The following PTPRD variants were observed in gnomAD, a reference collection of about 807,000 sequenced individuals.
PTPRD encodes receptor-type tyrosine-protein phosphatase delta.
A neutral mutation model predicts 214.5 loss-of-function variants in PTPRD; 34 were observed. That is an observed-to-expected ratio of 0.16 (90% CI 0.12 to 0.21). The LOEUF is 0.21. PTPRD is among the 10% of genes least tolerant of loss of function. The pLI is 1.00. For missense variants in PTPRD, 2,545 were observed against 2,398.7 expected, an observed-to-expected ratio of 1.06 and a Z score of -1.27; for synonymous variants, 1,128 against 845.7, an observed-to-expected ratio of 1.33 and a Z score of -5.79.
At chr9:10,254,714 T>A (rs2093095622) in intron 3 of PTPRD, among the ~76,000 whole-genome samples, 1 of 152,156 alleles carries the variant, frequency 6.6e-6, no homozygotes, top group Admixed American at 6.5e-5. Context: ...TTAGAGGATA[T>A]CCTTCTAAAC....
At chr9:10,148,488 A>G (rs1475076075) in intron 3 of PTPRD, among the ~76,000 whole-genome samples, 1 of 152,186 alleles carries the variant, frequency 6.6e-6, no homozygotes, top group Non-Finnish European at 1.5e-5. Flanking sequence ...GATTTTAAAA[A>G]ATAATGGCAT....
At chr9:8,494,659 A>G (rs76647575) in intron 26 of PTPRD, among the ~76,000 whole-genome samples, 2 of 152,196 alleles carry the variant, frequency 1.3e-5, no homozygotes, top group East Asian at 1.9e-4. Flanking sequence ...TCTGAGACTT[A>G]TATGTTTCTT....
At chr9:10,171,338 T>G (rs980387002) in intron 3 of PTPRD, among the ~76,000 whole-genome samples, 6 of 151,928 alleles carry the variant, frequency 3.9e-5, no homozygotes, top group African/African-American at 1.5e-4. Flanking sequence ...CTTGATATGG[T>G]TCCTGATACG....
At chr9:8,453,410 C>T (rs543972604) in intron 33 of PTPRD, among the ~76,000 whole-genome samples, 25 of 152,042 alleles carry the variant, frequency 1.6e-4, no homozygotes, top group Non-Finnish European at 3.4e-4. Flanking sequence ...GTGATCCACC[C>T]GCCTCAGCCT....
intron 12 of PTPRD, among the ~76,000 whole-genome samples, chr9:8,659,578 AG>A (rs1165178869): frequency 6.6e-6 from 1 of 152,246 alleles, no homozygotes; most frequent in Admixed American, 6.5e-5. Flanking sequence ...TGAAGTAACA[AG>A]CTATCTAAAG....
intron 7 of PTPRD, among the ~76,000 whole-genome samples, chr9:9,682,817 C>A (rs2097099593): frequency 6.6e-6 from 1 of 151,726 alleles, no homozygotes. Flanking sequence ...CCAAATACTG[C>A]CTATCAGTAC....
chr9:9,195,500 T>C (rs2099938024), intron 9 of PTPRD, among the ~76,000 whole-genome samples: 1 of 152,144 alleles, frequency 6.6e-6, no homozygotes, highest in South Asian at 2.1e-4. Flanking sequence ...GGGACTGTGC[T>C]GGTCTGTTTC....
intron 11 of PTPRD, among the ~76,000 whole-genome samples, chr9:8,876,107 T>C (rs1431706644): frequency 2.0e-5 from 3 of 152,188 alleles, no homozygotes; most frequent in Admixed American, 6.5e-5. Flanking sequence ...TAAATGAGCA[T>C]ATAATTAAGA....
intron 5 of PTPRD, among the ~76,000 whole-genome samples, chr9:9,849,785 G>T (rs926426772): frequency 4.6e-5 from 7 of 152,066 alleles, no homozygotes; most frequent in African/African-American, 1.7e-4. Context: ...CTCCAAACCA[G>T]AAAGCCTCTA....
At chr9:9,855,653 C>T (rs1418330517) in intron 5 of PTPRD, among the ~76,000 whole-genome samples, 4 of 152,150 alleles carry the variant, frequency 2.6e-5, no homozygotes, top group Non-Finnish European at 5.9e-5. Flanking sequence ...ACCAGCCAGC[C>T]GCTTCCGCAC....
chr9:10,158,188 T>C (rs2099105473), intron 3 of PTPRD, among the ~76,000 whole-genome samples: 1 of 152,114 alleles, frequency 6.6e-6, no homozygotes, highest in South Asian at 2.1e-4. Context: ...TTTGTGTTTT[T>C]AGTAGAGATG....
chr9:9,930,703 C>T (rs919043010), intron 5 of PTPRD, among the ~76,000 whole-genome samples: 1 of 151,972 alleles, frequency 6.6e-6, no homozygotes, highest in African/African-American at 2.4e-5. Flanking sequence ...ACACTTGACA[C>T]AAATATAATA....
At chr9:10,562,124 A>T (rs1244101844) in intron 2 of PTPRD, among the ~76,000 whole-genome samples, 1 of 152,086 alleles carries the variant, frequency 6.6e-6, no homozygotes, top group Non-Finnish European at 1.5e-5. Flanking sequence ...CTCATTATGA[A>T]TCCTTTCATC....
chr9:8,994,123 C>A, intron 11 of PTPRD, among the ~76,000 whole-genome samples: 1 of 152,046 alleles, frequency 6.6e-6, no homozygotes, highest in East Asian at 1.9e-4. Flanking sequence ...AGAGGGAGTT[C>A]AATGAACTTA....
rs905268233 is a variant in PTPRD at position 8,315,517 on chromosome 9, A to T, written c.*2357T>A. On this transcript the variant is annotated 3_prime_UTR_variant, in exon 46 of 46. Transcript: ENST00000381196. ...CACTTGGATAAATCTCCAAAAAGAT[A>T]CAAACTAAAAGAAAATAATGATAAC... is the stretch of plus-strand genomic sequence containing the variant. 4.3e-6 allele frequency: 1 copy of T among 231,948 alleles called. No individual in the cohort carries two copies. Among genetic ancestry groups the T allele is most frequent in the African/African-American group, 2.2e-5 (1 of 45,248 alleles). The allele number at this position is 231,948 out of a possible 1,614,324, so 14.4% of individuals were successfully genotyped here. A position where few individuals can be genotyped will look rare whatever the true frequency, so the allele number is the denominator to read the frequency against.
chr9:10,458,892 T>G (rs1275399229), intron 2 of PTPRD, among the ~76,000 whole-genome samples: 1 of 152,200 alleles, frequency 6.6e-6, no homozygotes, highest in Non-Finnish European at 1.5e-5. Context: ...ATTTTTTAAC[T>G]TTAAAAAGGA....
intron 8 of PTPRD, among the ~76,000 whole-genome samples, chr9:9,525,528 T>C (rs1045355896): frequency 1.3e-5 from 2 of 152,134 alleles, no homozygotes; most frequent in African/African-American, 2.4e-5. Context: ...TTTTTCTCTA[T>C]TGAGAGGAAT....
At chr9:9,374,799 G>C (rs190535051) in intron 9 of PTPRD, among the ~76,000 whole-genome samples, 72 of 152,262 alleles carry the variant, frequency 4.7e-4, no homozygotes, top group African/African-American at 1.7e-3. Context: ...GGCAAGGTCT[G>C]AAACATCACC....
intron 2 of PTPRD, among the ~76,000 whole-genome samples, chr9:10,416,076 G>A (rs1285552318): frequency 2.0e-5 from 3 of 151,760 alleles, no homozygotes; most frequent in Non-Finnish European, 2.9e-5. Flanking sequence ...AGCAGGACAT[G>A]GTGGCTCATG....
Sources: gnomAD v4.1 joint callset for allele counts (sites outside exome capture counted in the v4.1 genomes callset) on GRCh38, gnomAD v4.1.1 for gene constraint, MANE v1.5 for transcripts, NCBI Gene and HGNC (gene_info 2026-07-23, HGNC 2026-07-21) for gene names.